Variants in MTA3 observed in about 807,000 individuals in gnomAD.
MTA3 encodes metastasis associated 1 family member 3.
MTA3 carries 34 observed loss-of-function variants against 83.5 expected under a neutral mutation model. That is an observed-to-expected ratio of 0.41 (90% CI 0.31 to 0.54). The LOEUF is 0.54. Among genes scored for constraint, MTA3 ranks in the 20% least tolerant of loss-of-function variants. The pLI is 0.33. For missense variants in MTA3, 761 were observed against 726.4 expected (o/e 1.05, Z -0.55); for synonymous variants, 303 against 252.7 (o/e 1.20, Z -1.89).
chr2:42,597,684 G>GTT (rs10690551), intron 3 of MTA3, among the ~76,000 whole-genome samples: 47,615 of 128,764 alleles, frequency 0.37, 9,412 homozygotes, highest in African/African-American at 0.44. Flanking sequence ...TCACCCACCT[G>GTT]TTTTTTTTTT....
chr2:42,616,426 T>TC (rs1057144371), intron 4 of MTA3, among the ~76,000 whole-genome samples: 1 of 151,252 alleles, frequency 6.6e-6, no homozygotes, highest in African/African-American at 2.4e-5. Context: ...CTTGTCTTTT[T>TC]TTTTTTTTTT....
chr2:42,698,319 G>A (rs12472339), intron 11 of MTA3: 94,148 of 151,728 alleles, frequency 0.62, 29,656 homozygotes, highest in South Asian at 0.78. Context: ...TTTGTCTAGT[G>A]TTCTATCATT....
At chr2:42,540,140 TA>T (rs2103745024) in intron 2 of MTA3, among the ~76,000 whole-genome samples, 1 of 151,684 alleles carries the variant, frequency 6.6e-6, no homozygotes, top group South Asian at 2.1e-4. Flanking sequence ...GGGGGCCCAT[TA>T]CAGCCAATAG....
chr2:42,687,308 G>A (rs2104449561), intron 9 of MTA3, among the ~76,000 whole-genome samples: 1 of 152,302 alleles, frequency 6.6e-6, no homozygotes, highest in Non-Finnish European at 1.5e-5. Context: ...TCGTTTAGTA[G>A]TATGTAACTT....
chr2:42,747,792 TATC>T (rs1056220217), intron 16 of MTA3, among the ~76,000 whole-genome samples: 2 of 152,090 alleles, frequency 1.3e-5, no homozygotes, highest in Non-Finnish European at 2.9e-5. Context: ...TTTATTAAGA[TATC>T]ATTGTCATTT....
chr2:42,550,673 G>T lies in MTA3; in HGVS notation c.-140-19764G>T, dbSNP rs573246849. On this transcript the variant is annotated intron_variant, in intron 2 of 17. Transcript: ENST00000405592. ...GGAACTGGGGGACAGATTGTAAAGG[G>T]CTATCCTTGAATATTGTGCTAAGGA... Among the ~76,000 whole-genome samples the T allele has an allele frequency of 2.9e-4, 44 of 152,268 alleles. No individual in the cohort carries two copies. In the South Asian group the frequency reaches 9.1e-3, roughly 32 times the overall value.
chr2:42,695,835 A>G lies in MTA3; in HGVS notation c.962A>G (p.Gln321Arg). 1 of 1,569,080 alleles carries G rather than the reference A, an allele frequency of 6.4e-7. No individual in the cohort carries two copies. The highest frequency in any genetic ancestry group is 8.7e-7 in the Non-Finnish European group (1 of 1,153,600). ...YMWKTTDRYV[Q>R]QKRLKAAEAE... ...TGGAAAACTACTGACAGATATGTGCAACAGGTAATTTTTTTCATATTGCTA... is the reference window on the plus strand; with the variant it reads ...TGGAAAACTACTGACAGATATGTGCGACAGGTAATTTTTTTCATATTGCTA... Residue 321 changes from glutamine to arginine, a missense_variant, in exon 10 of 17, where the codon CAA becomes CGA. Gln to Arg is a conservative substitution (Grantham distance 43). Transcript: ENST00000405094.
chr2:42,601,382 C>T (rs1470944492), intron 3 of MTA3, among the ~76,000 whole-genome samples: 1 of 152,142 alleles, frequency 6.6e-6, no homozygotes, highest in Non-Finnish European at 1.5e-5. Flanking sequence ...GTAGTCTATC[C>T]AATACGCTAT....
Position 42,719,057 on chromosome 2 carries a change from G to T in MTA3, c.1595G>T (p.Cys532Phe), listed in dbSNP as rs900529164. The T allele has an allele frequency of 3.9e-6, 6 of 1,549,442 alleles. No homozygotes were observed. Among genetic ancestry groups the T allele is most frequent in the Non-Finnish European group, 5.2e-6 (6 of 1,146,128 alleles). Residue 532 changes from cysteine to phenylalanine, a missense_variant, in exon 15 of 17, where the codon TGT (cysteine) becomes TTT (phenylalanine). Cys to Phe is a radical substitution (Grantham distance 205, BLOSUM62 -2). Coordinates refer to ENST00000405094, the MANE Select transcript of MTA3 (RefSeq NM_001330442.2). The part of the protein sequence containing the change: ...KSKSTRKPLA[C>F]IIGYLEIHPA... ...AAAAGCACTAGGAAGCCTTTGGCAT[G>T]TATCATTGGGTATTTAGGTGGGTAT... is the stretch of plus-strand genomic sequence containing the variant.
At chr2:42,666,522 G>A (rs1452297817) in intron 8 of MTA3, among the ~76,000 whole-genome samples, 5 of 152,154 alleles carry the variant, frequency 3.3e-5, no homozygotes, top group Non-Finnish European at 7.3e-5. Context: ...CACAGGACTT[G>A]CATGTTCAGG....
intron 3 of MTA3, among the ~76,000 whole-genome samples, chr2:42,602,773 G>C (rs1052653853): frequency 6.6e-6 from 1 of 152,138 alleles, no homozygotes; most frequent in Non-Finnish European, 1.5e-5. Context: ...AATTCCCTCA[G>C]TCAGACCAAG....
intron 2 of MTA3, among the ~76,000 whole-genome samples, chr2:42,547,622 C>T (rs1227276557): frequency 1.3e-5 from 2 of 152,234 alleles, no homozygotes; most frequent in African/African-American, 2.4e-5. Context: ...TCAACCCCCG[C>T]GCCTGGAGGC....
chr2:42,648,988 A>C (rs1688456153), intron 6 of MTA3, among the ~76,000 whole-genome samples: 1 of 152,188 alleles, frequency 6.6e-6, no homozygotes, highest in African/African-American at 2.4e-5. Flanking sequence ...ATGATAGTGT[A>C]TGTAATACAT....
At chr2:42,702,287 G>T (rs1336927641) in intron 11 of MTA3, 12 of 152,236 alleles carry the variant, frequency 7.9e-5, no homozygotes, top group Non-Finnish European at 1.5e-4. Flanking sequence ...CAGGTTAGAA[G>T]TGTAAATAAT....
chr2:42,534,576 G>A (rs1162011258), intron 2 of MTA3, among the ~76,000 whole-genome samples: 4 of 150,568 alleles, frequency 2.7e-5, no homozygotes, highest in South Asian at 4.2e-4. Context: ...CAGCCTGGGC[G>A]ATGAGTGAAA....
chr2:42,547,497 A>T (rs1572960378), intron 2 of MTA3, among the ~76,000 whole-genome samples: 2 of 152,184 alleles, frequency 1.3e-5, no homozygotes, highest in African/African-American at 4.8e-5. Context: ...CGCCCGGCTA[A>T]TTTTTGTATT....
intron 2 of MTA3, among the ~76,000 whole-genome samples, chr2:42,540,740 T>G (rs1311353434): frequency 1.3e-5 from 2 of 150,700 alleles, no homozygotes; most frequent in African/African-American, 4.9e-5. Flanking sequence ...AAGGCTGAGG[T>G]AGAAGAATCA....
intron 15 of MTA3, among the ~76,000 whole-genome samples, chr2:42,721,548 C>T (rs1417985428): frequency 6.6e-6 from 1 of 151,960 alleles, no homozygotes; most frequent in Admixed American, 6.6e-5. Context: ...AGGCTGGTCT[C>T]GAACTCCTGG....
chr2:42,495,136 T>C (rs1387267642), intron 1 of MTA3: 3 of 152,684 alleles, frequency 2.0e-5, no homozygotes, highest in African/African-American at 7.2e-5. Flanking sequence ...AGTTTTTCAT[T>C]GCCCTCTACT....
Sources: allele counts gnomAD v4.1 joint callset (sites outside exome capture counted in the v4.1 genomes callset), GRCh38; gene constraint gnomAD v4.1.1; transcripts MANE v1.5; gene names NCBI Gene and HGNC (gene_info 2026-07-23, HGNC 2026-07-21).